FHOD3: variants seen among roughly 807,000 people sequenced by gnomAD.
FHOD3 encodes formin homology 2 domain containing 3.
FHOD3 carries 90 observed loss-of-function variants against 173.0 expected under a neutral mutation model. That is an observed-to-expected ratio of 0.52 (90% confidence interval 0.44 to 0.62). The LOEUF (loss-of-function observed/expected upper bound fraction) is 0.62, where lower values mean the gene tolerates loss of function less well. Among genes scored for constraint, FHOD3 ranks in the 20% least tolerant of loss-of-function variants. The probability of loss-of-function intolerance (pLI) is 0.00; values close to 1 mark genes in which losing one functional copy is unlikely to be tolerated. For missense variants in FHOD3, 1,945 were observed against 2,034.7 expected (o/e 0.96, Z 0.85); for synonymous variants, 828 against 823.0 (o/e 1.01, Z -0.10).
chr18:36,695,154 C>G (rs1357860481), intron 17 of FHOD3, among the ~76,000 whole-genome samples: 1 of 151,192 alleles, frequency 6.6e-6, no homozygotes, highest in African/African-American at 2.4e-5. Context: ...ACCGGCCTGA[C>G]CAACGTGGAG....
intron 11 of FHOD3, 45 bp from the exon 12 acceptor site, chr18:36,652,525 C>T: frequency 6.7e-7 from 1 of 1,490,854 alleles, no homozygotes; most frequent in Non-Finnish European, 8.9e-7. Flanking sequence ...CCTTCTCTCC[C>T]AAATCTTTTT....
At chr18:36,652,335 C>G (rs990185471) in intron 11 of FHOD3, among the ~76,000 whole-genome samples, 19 of 152,234 alleles carry the variant, frequency 1.2e-4, no homozygotes, top group Non-Finnish European at 2.1e-4. Flanking sequence ...ACCTCCTTGC[C>G]CTCTATAAGT....
intron 9 of FHOD3, among the ~76,000 whole-genome samples, chr18:36,621,854 A>G (rs1278525124): frequency 6.6e-6 from 1 of 152,232 alleles, no homozygotes; most frequent in Non-Finnish European, 1.5e-5. Flanking sequence ...ATCAAAAAGA[A>G]TTGAAATCAG....
At chr18:36,596,731 C>T (rs2030499021) in intron 7 of FHOD3, among the ~76,000 whole-genome samples, 1 of 152,082 alleles carries the variant, frequency 6.6e-6, no homozygotes, top group Non-Finnish European at 1.5e-5. Flanking sequence ...AACTCTAGTA[C>T]ATGGACGGGG....
At chr18:36,389,549 C>T (rs1465486255) in intron 3 of FHOD3, among the ~76,000 whole-genome samples, 1 of 152,204 alleles carries the variant, frequency 6.6e-6, no homozygotes, top group Non-Finnish European at 1.5e-5. Context: ...ATACTCCTCA[C>T]TTCCATTTCT....
At chr18:36,440,544 C>T (rs187842751) in intron 3 of FHOD3, among the ~76,000 whole-genome samples, 2 of 152,382 alleles carry the variant, frequency 1.3e-5, no homozygotes, top group East Asian at 1.9e-4. Flanking sequence ...GGCCCTCCCA[C>T]TGCTCATATT....
At chr18:36,358,910 A>C (rs1390285721) in intron 2 of FHOD3, among the ~76,000 whole-genome samples, 1 of 152,156 alleles carries the variant, frequency 6.6e-6, no homozygotes, top group African/African-American at 2.4e-5. Flanking sequence ...TTGGAATTAT[A>C]GGCATGCATA....
At position 36,769,435 on chromosome 18, in the gene FHOD3, A is replaced by C; in HGVS notation, c.4786+9A>C. The C allele has an allele frequency of 6.2e-7, 1 of 1,613,806 alleles. No individual in the cohort carries two copies. On this transcript the variant is annotated intron_variant, in intron 28 of 28. Coordinates refer to ENST00000590592, the MANE Select transcript of FHOD3 (RefSeq NM_001281740.3). The stretch of plus-strand genomic sequence containing the variant: ...GGCCAACCGGAAATCTTGTGAGTGC[A>C]TTAAAGGAGGGGCGAGCCTTCACCC...
chr18:36,657,432 AGACATGTCTG>A (rs1466345224), intron 13 of FHOD3, among the ~76,000 whole-genome samples: 1 of 152,236 alleles, frequency 6.6e-6, no homozygotes, highest in Non-Finnish European at 1.5e-5. Flanking sequence ...TTAACTTGTC[AGACATGTCTG>A]GAAAATCATC....
intron 5 of FHOD3, among the ~76,000 whole-genome samples, chr18:36,575,390 C>T (rs1049418357): frequency 1.3e-5 from 2 of 152,142 alleles, no homozygotes; most frequent in Non-Finnish European, 2.9e-5. Flanking sequence ...TTCTAATCAA[C>T]GTATTTCATG....
intron 21 of FHOD3, 93 bp from the exon 22 acceptor site, chr18:36,742,644 C>T: frequency 7.3e-7 from 1 of 1,370,896 alleles, no homozygotes; most frequent in Non-Finnish European, 1.0e-6. Flanking sequence ...CTGGGGAGAA[C>T]ACCGTGTGTT....
chr18:36,562,493 A>G (rs2058122383), intron 5 of FHOD3, among the ~76,000 whole-genome samples: 1 of 152,254 alleles, frequency 6.6e-6, no homozygotes, highest in African/African-American at 2.4e-5. Context: ...AACCGTGTCT[A>G]TCAAACATGC....
rs201751167 is a variant in FHOD3, at chr18:36,625,519, C to G, written c.966C>G (p.Leu322=). The stretch of plus-strand genomic sequence containing the variant: ...GTGCTCTGCTTTTCCAGGTGGCGCT[C>G]AGGCACGAGGATGGCGATGAGACCA... ...VEQLNIYEVA[L]RHEDGDETTE... The change falls in exon 10 of 29, where the codon CTC becomes CTG. Residue 322 remains leucine (L), a synonymous_variant. Transcript: ENST00000590592. The G allele has an allele frequency of 2.8e-6, 4 of 1,424,280 alleles. No homozygotes were observed. The highest frequency in any genetic ancestry group is 2.8e-6 in the Non-Finnish European group (3 of 1,074,710). 88.2% of individuals were successfully genotyped at this position (1,424,280 alleles called of 1,614,324 possible). A position where few individuals can be genotyped will look rare whatever the true frequency, so the allele number is the denominator to read the frequency against.
intron 3 of FHOD3, among the ~76,000 whole-genome samples, chr18:36,461,492 C>A (rs1244198951): frequency 1.3e-5 from 2 of 151,326 alleles, no homozygotes; most frequent in African/African-American, 4.8e-5. Flanking sequence ...TTGAATTTAC[C>A]CTCTTTGCCC....
chr18:36,698,604 G>A (rs1001210217), intron 17 of FHOD3, among the ~76,000 whole-genome samples: 1 of 152,134 alleles, frequency 6.6e-6, no homozygotes, highest in Non-Finnish European at 1.5e-5. Flanking sequence ...AAAAAGAGAA[G>A]GGGAGGTGGA....
chr18:36,462,302 T>G (rs908186893), intron 3 of FHOD3, among the ~76,000 whole-genome samples: 1 of 151,988 alleles, frequency 6.6e-6, no homozygotes, highest in Non-Finnish European at 1.5e-5. Flanking sequence ...TGTGTGTGTG[T>G]GTGTGTTTGT....
At chr18:36,397,843 T>C (rs2048626496) in intron 3 of FHOD3, among the ~76,000 whole-genome samples, 1 of 152,200 alleles carries the variant, frequency 6.6e-6, no homozygotes, top group African/African-American at 2.4e-5. Flanking sequence ...GTTTTAGGCA[T>C]TACTTCTGCA....
intron 3 of FHOD3, among the ~76,000 whole-genome samples, chr18:36,469,296 G>A (rs1001810928): frequency 6.6e-6 from 1 of 152,156 alleles, no homozygotes; most frequent in South Asian, 2.1e-4. Flanking sequence ...TATCCCCTAT[G>A]GTGGATTTGG....
At chr18:36,629,885 C>A (rs1358276066) in intron 10 of FHOD3, among the ~76,000 whole-genome samples, 4 of 152,064 alleles carry the variant, frequency 2.6e-5, no homozygotes, top group Non-Finnish European at 5.9e-5. Flanking sequence ...TAGGAGACAT[C>A]TGGACACATT....
Sources: allele counts gnomAD v4.1 joint callset (sites outside exome capture counted in the v4.1 genomes callset), GRCh38; gene constraint gnomAD v4.1.1; transcripts MANE v1.5; gene names NCBI Gene and HGNC (gene_info 2026-07-23, HGNC 2026-07-21).